ARV1: variants seen among roughly 807,000 people sequenced by gnomAD.
ARV1 encodes the protein ARV1 fatty acid homeostasis modulator.
In ARV1, 26 loss-of-function variants were observed where a neutral mutation model predicts 31.1. The observed-to-expected ratio is 0.84, with a 90% CI of 0.61 to 1.16. The LOEUF (loss-of-function observed/expected upper bound fraction) is 1.16, where lower values mean the gene tolerates loss of function less well. ARV1 is among the 50% of genes most tolerant of loss of function. ARV1 has a pLI of 0.00. For synonymous variants in ARV1, 117 were observed against 123.2 expected (o/e 0.95, Z 0.34); for missense variants, 281 against 324.9 (o/e 0.86, Z 1.04).
Position 230,997,731 on chromosome 1 carries a change from C to T in ARV1, c.*4+464C>T, listed in dbSNP as rs561966659. Among the ~76,000 whole-genome samples the T allele has an allele frequency of 2.6e-5, 4 of 152,300 alleles. No homozygotes were observed. In the South Asian group the frequency reaches 8.3e-4, roughly 32 times the overall value. ...TGGAACCTATAGGCTGTGTTGTGCT[C>T]TTCTCTGTTAGTACCTTGACATCCA... On this transcript the variant is annotated intron_variant, in intron 5 of 5. Transcript: ENST00000310256.
Sources: gnomAD v4.1 joint callset for allele counts (sites outside exome capture counted in the v4.1 genomes callset) on GRCh38, gnomAD v4.1.1 for gene constraint, MANE v1.5 for transcripts, NCBI Gene and HGNC (gene_info 2026-07-23, HGNC 2026-07-21) for gene names.